ABCA1: variants seen among roughly 807,000 people sequenced by gnomAD.
ABCA1 encodes ATP binding cassette subfamily A member 1, also known as phospholipid-transporting ATPase ABCA1.
A neutral mutation model predicts 262.5 loss-of-function variants in ABCA1; 133 were observed. The ratio of observed to expected loss-of-function variants is 0.51; its 90% CI spans 0.44 to 0.59. ABCA1 has a LOEUF of 0.59. Ranked by LOEUF, ABCA1 falls within the 20% of genes least tolerant of loss-of-function variation. ABCA1 has a pLI of 0.00. For missense variants in ABCA1, 2,452 were observed against 2,777.5 expected (o/e 0.88, Z 2.63); for synonymous variants, 1,022 against 1,043.5 (o/e 0.98, Z 0.40).
At chr9:104,794,239 G>T in intron 40 of ABCA1, 148 bp downstream of exon 40, 1 of 1,222,994 alleles carries the variant, frequency 8.2e-7, no homozygotes, top group Non-Finnish European at 1.2e-6. Flanking sequence ...AACCAGCTGT[G>T]TTGGCATGAG....
chr9:104,806,326 G>A lies in ABCA1; in HGVS notation c.4379C>T (p.Ser1460Leu), dbSNP rs761290835. Residue 1460 changes from serine to leucine, a missense_variant, in exon 31 of 50, where the codon TCA (serine) becomes TTA (leucine). This residue lies in a region of ABCA1 where 665 missense variants were observed against 727.3 expected (regional missense o/e 0.91). Coordinates refer to ENST00000374736, the MANE Select transcript of ABCA1 (RefSeq NM_005502.4). ...GTCGCTGCTACACTGGCATGCAGGT[G>A]AAGGGTTCTGCATTGTCCAGTTCCC... The part of the protein sequence containing the change: ...QNGNWTMQNP[S>L]PACQCSSDKI... 1 of 1,614,214 alleles carries A rather than the reference G, an allele frequency of 6.2e-7. No homozygotes were observed. The highest frequency in any genetic ancestry group is 8.5e-7 in the Non-Finnish European group (1 of 1,180,048).
intron 42 of ABCA1, 99 bp from the exon 43 acceptor site, chr9:104,792,097 A>G (rs558549118): frequency 7.4e-5 from 79 of 1,072,912 alleles, no homozygotes; most frequent in South Asian, 5.5e-4. Context: ...ACACTGCAAC[A>G]TAAGACTTGT....
intron 1 of ABCA1, among the ~76,000 whole-genome samples, chr9:104,920,282 T>G (rs1842073249): frequency 6.6e-6 from 1 of 152,220 alleles, no homozygotes; most frequent in African/African-American, 2.4e-5. Flanking sequence ...GTCAACAATC[T>G]CTTCCCCAAA....
In ABCA1 at chr9:104,801,691, G is replaced by A. The variant is rs1471657125; in HGVS notation, c.4698+363C>T. On this transcript the variant is annotated intron_variant, in intron 34 of 49. Transcript: ENST00000374736. Reference sequence around the variant, plus strand: ...CAAGTAGCTGGGATTACAGGTGTGTGCCACCAAGCCCAGCTAATTTTTTTG... The same window carrying A: ...CAAGTAGCTGGGATTACAGGTGTGTACCACCAAGCCCAGCTAATTTTTTTG... Among the ~76,000 whole-genome samples the A allele has an allele frequency of 2.0e-5, 3 of 152,010 alleles. No individual in the cohort carries two copies. The East Asian group carries it at 5.8e-4, about 29-fold the overall frequency.
intron 44 of ABCA1, among the ~76,000 whole-genome samples, chr9:104,790,666 C>T (rs1320259363): frequency 6.6e-6 from 1 of 151,958 alleles, no homozygotes; most frequent in Non-Finnish European, 1.5e-5. Flanking sequence ...AAAAAACAAG[C>T]AAATTATATT....
At chr9:104,924,469 G>T (rs1401060688) in intron 1 of ABCA1, among the ~76,000 whole-genome samples, 2 of 152,066 alleles carry the variant, frequency 1.3e-5, no homozygotes, top group Non-Finnish European at 2.9e-5. Context: ...AACTAGCCGG[G>T]TGTGGTGGCA....
chr9:104,833,815 C>A (rs1162309152), intron 11 of ABCA1, among the ~76,000 whole-genome samples: 1 of 152,202 alleles, frequency 6.6e-6, no homozygotes, highest in Non-Finnish European at 1.5e-5. Flanking sequence ...TGTTCCCTTG[C>A]CAGTTGGTTC....
rs1029762063 is a variant in ABCA1 at position 104,783,584 on chromosome 9, T to C, written c.*731A>G. 2.6e-5 allele frequency: 4 copies of C among 152,376 alleles called. No homozygotes were observed. Among genetic ancestry groups the C allele is most frequent in the African/African-American group, 7.2e-5 (3 of 41,436 alleles). The allele number at this position is 152,376 out of a possible 1,614,324, so 9.4% of individuals were successfully genotyped here. On this transcript the variant is annotated 3_prime_UTR_variant, in exon 50 of 50. Transcript: ENST00000374736. The stretch of plus-strand genomic sequence containing the variant: ...CCCTGTAGACCCATGGCTCGAAGCA[T>C]AGGACAATATAACAATGGAACCAAG...
chr9:104,869,625 A>G (rs993139198), intron 5 of ABCA1, among the ~76,000 whole-genome samples: 1 of 152,138 alleles, frequency 6.6e-6, no homozygotes, highest in Non-Finnish European at 1.5e-5. Context: ...AGAAGGGGTG[A>G]GGCGGGGTGA....
intron 2 of ABCA1, among the ~76,000 whole-genome samples, chr9:104,897,070 A>G (rs1006674852): frequency 1.3e-5 from 2 of 152,062 alleles, no homozygotes; most frequent in Non-Finnish European, 2.9e-5. Context: ...AGGAATCACT[A>G]TTTAATCAAG....
chr9:104,861,486 T>C, intron 6 of ABCA1, 193 bp downstream of exon 6: 2 of 701,068 alleles, frequency 2.9e-6, no homozygotes, highest in Non-Finnish European at 4.9e-6. Context: ...TGACGCCAGG[T>C]TGCATATTCC....
rs181473585 is a variant in ABCA1 at position 104,834,803 on chromosome 9, G to A, written c.1312-2032C>T. Among the ~76,000 whole-genome samples, 2 of 152,166 alleles carry A rather than the reference G, an allele frequency of 1.3e-5. 1 individual carries two copies. The highest frequency in any genetic ancestry group is 1.3e-4 in the Admixed American group (2 of 15,280). On this transcript the variant is annotated intron_variant, in intron 11 of 49. Transcript: ENST00000374736. ...AGAGGTGCCCTGGGACCTGTGGGGT[G>A]AGGCAACATGGGTAGACAGTGCCAG...
chr9:104,848,517 A>C (rs1258194513), intron 7 of ABCA1, among the ~76,000 whole-genome samples: 1 of 152,092 alleles, frequency 6.6e-6, no homozygotes, highest in Non-Finnish European at 1.5e-5. Flanking sequence ...AGAGAGGCTG[A>C]GGCAGGAAAA....
At chr9:104,862,270 A>ATTT (rs201007171) in intron 5 of ABCA1, among the ~76,000 whole-genome samples, 37 of 145,976 alleles carry the variant, frequency 2.5e-4, no homozygotes, top group African/African-American at 6.3e-4. Context: ...TGACTGGCAA[A>ATTT]TTTTTTTTTT....
At position 104,798,541 on chromosome 9, in the gene ABCA1, G is replaced by A. The variant is rs752701914; in HGVS notation, c.5001C>T (p.Phe1667=). ...VSICVIFAMS[F]VPASFVVFLI... ...GGAATACGACAAAGCTGGCTGGGAC[G>A]AAGGACATTGCAAAGATGACACAGA... Residue 1667 remains phenylalanine, a synonymous_variant, in exon 37 of 50, where the codon TTC becomes TTT. Coordinates refer to ENST00000374736, the MANE Select transcript of ABCA1 (RefSeq NM_005502.4). 9.3e-6 allele frequency: 15 copies of A among 1,614,114 alleles called. No individual in the cohort carries two copies. Among genetic ancestry groups the A allele is most frequent in the Middle Eastern group, 1.7e-4 (1 of 6,058 alleles).
Position 104,796,289 on chromosome 9 carries a change from C to T in ABCA1, c.5237+20G>A. On this transcript the variant is annotated intron_variant, in intron 38 of 49. Transcript: ENST00000374736. ...AATGCCTTATCCACTGTGCAGCTCC[C>T]TCACTCAGAGGTGACTTACCCATAC... is the stretch of plus-strand genomic sequence containing the variant. 1.2e-6 allele frequency: 2 copies of T among 1,613,992 alleles called. No individual in the cohort carries two copies. Among genetic ancestry groups the T allele is most frequent in the Non-Finnish European group, 8.5e-7 (1 of 1,179,850 alleles).
intron 1 of ABCA1, among the ~76,000 whole-genome samples, chr9:104,926,475 A>C (rs28656304): frequency 0.15 from 22,653 of 147,356 alleles, 1,941 homozygotes; most frequent in Middle Eastern, 0.22. Flanking sequence ...AAAAACAAAA[A>C]AAAAAAAACA....
chr9:104,793,425 C>T (rs1829605136), intron 40 of ABCA1, 125 bp from the exon 41 acceptor site: 1 of 1,341,668 alleles, frequency 7.5e-7, no homozygotes. Context: ...GGCTATCACC[C>T]ATGACAAGGA....
chr9:104,870,392 C>T (rs1041433048), intron 5 of ABCA1, among the ~76,000 whole-genome samples: 11 of 152,178 alleles, frequency 7.2e-5, no homozygotes, highest in Non-Finnish European at 1.0e-4. Context: ...GTGAGCAGAG[C>T]GGTGAGCCTC....
Sources: allele counts gnomAD v4.1 joint callset (sites outside exome capture counted in the v4.1 genomes callset), GRCh38; gene constraint gnomAD v4.1.1; regional missense constraint gnomAD v4.1.1; transcripts MANE v1.5; gene names NCBI Gene and HGNC (gene_info 2026-07-23, HGNC 2026-07-21).